SDK2: variants seen among roughly 807,000 people sequenced by gnomAD.
SDK2 encodes sidekick cell adhesion molecule 2, also known as protein sidekick-2.
Under a neutral mutation model 253.9 loss-of-function variants are expected in SDK2, and 105 were observed. The ratio of observed to expected loss-of-function variants is 0.41; its 90% CI spans 0.35 to 0.49. SDK2 has a LOEUF of 0.49. Ranked by LOEUF, SDK2 falls within the 20% of genes least tolerant of loss-of-function variation. The probability of loss-of-function intolerance (pLI) is 0.06; values close to 1 mark genes in which losing one functional copy is unlikely to be tolerated. For missense variants in SDK2, 2,608 were observed against 3,003.0 expected (o/e 0.87, Z 3.07); for synonymous variants, 1,249 against 1,234.9 (o/e 1.01, Z -0.24).
At chr17:73,358,819 T>C (rs1311030530) in intron 39 of SDK2, among the ~76,000 whole-genome samples, 2 of 152,068 alleles carry the variant, frequency 1.3e-5, no homozygotes, top group African/African-American at 4.8e-5. Flanking sequence ...CAGGAGGCCT[T>C]GGGGCCTGTG....
At chr17:73,485,813 G>T (rs146942051) in intron 2 of SDK2, among the ~76,000 whole-genome samples, 100 of 152,354 alleles carry the variant, frequency 6.6e-4, no homozygotes, top group African/African-American at 2.0e-3. Context: ...AGAGTTGAAG[G>T]TTGCCATAAA....
intron 1 of SDK2, among the ~76,000 whole-genome samples, chr17:73,548,936 G>A (rs1447398497): frequency 6.6e-6 from 1 of 152,172 alleles, no homozygotes; most frequent in Non-Finnish European, 1.5e-5. Context: ...CATGCCAGCC[G>A]CTGAAGCTGT....
At chr17:73,462,149 TTGTA>T (rs1161655289) in intron 3 of SDK2, among the ~76,000 whole-genome samples, 2 of 152,136 alleles carry the variant, frequency 1.3e-5, no homozygotes, top group African/African-American at 4.8e-5. Context: ...GGATGTATAG[TTGTA>T]TGTATGTTTA....
chr17:73,485,568 G>A (rs990208122), intron 2 of SDK2, among the ~76,000 whole-genome samples: 2 of 152,112 alleles, frequency 1.3e-5, no homozygotes, highest in African/African-American at 4.8e-5. Flanking sequence ...ATAAAACAGA[G>A]CTTAGCAAAC....
intron 42 of SDK2, 52 bp from the exon 43 acceptor site, chr17:73,350,427 C>T: frequency 1.1e-5 from 17 of 1,574,474 alleles, no homozygotes; most frequent in Non-Finnish European, 1.4e-5. Flanking sequence ...CTCCCCTCTC[C>T]CATACCACTC....
At chr17:73,417,623 A>G (rs2063193644) in intron 16 of SDK2, among the ~76,000 whole-genome samples, 1 of 152,078 alleles carries the variant, frequency 6.6e-6, no homozygotes, top group South Asian at 2.1e-4. Context: ...GTCCCAGGGC[A>G]GAACTTGCAG....
At chr17:73,381,019 C>A (rs2062826641) in intron 33 of SDK2, 69 bp from the exon 34 acceptor site, 1 of 928,178 alleles carries the variant, frequency 1.1e-6, no homozygotes, top group Non-Finnish European at 1.7e-6. Flanking sequence ...AGTGCTCACA[C>A]ATCCCCACCC....
At position 73,334,874 on chromosome 17, in the gene SDK2, A is replaced by G. The variant is rs1056618803; in HGVS notation, c.*3713T>C. The G allele has an allele frequency of 6.6e-6, 1 of 152,394 alleles. No homozygotes were observed. Among genetic ancestry groups the G allele is most frequent in the African/African-American group, 2.4e-5 (1 of 41,442 alleles). The allele number at this position is 152,394 out of a possible 1,614,324, so 9.4% of individuals were successfully genotyped here. A position where few individuals can be genotyped will look rare whatever the true frequency, so the allele number is the denominator to read the frequency against. ...TGCCCACCAGCCCCTCACCCAGGGTAGGCACCTTCAGATGTGCACTCTGGG... is the reference window on the plus strand; with the variant it reads ...TGCCCACCAGCCCCTCACCCAGGGTGGGCACCTTCAGATGTGCACTCTGGG... On this transcript the variant is annotated 3_prime_UTR_variant, in exon 45 of 45. Transcript: ENST00000392650.
At chr17:73,468,739 A>T (rs1288945345) in intron 3 of SDK2, among the ~76,000 whole-genome samples, 1 of 149,804 alleles carries the variant, frequency 6.7e-6, no homozygotes, top group Non-Finnish European at 1.5e-5. Flanking sequence ...GTTAGCCAGG[A>T]TGGTCTCAAT....
At chr17:73,631,261 G>A (rs919373876) in intron 1 of SDK2, among the ~76,000 whole-genome samples, 4 of 152,192 alleles carry the variant, frequency 2.6e-5, no homozygotes, top group Admixed American at 2.6e-4. Flanking sequence ...ACAACGGTCT[G>A]CCGGCCAACC....
At chr17:73,389,124 G>A (rs1011224789) in intron 29 of SDK2, among the ~76,000 whole-genome samples, 22 of 148,374 alleles carry the variant, frequency 1.5e-4, no homozygotes, top group African/African-American at 4.8e-4. Flanking sequence ...CTTCTACCTC[G>A]GCCTCTTGAA....
rs192959445 is a variant in SDK2, at chr17:73,588,880, G to A, written c.64+55145C>T. Among the ~76,000 whole-genome samples the A allele has an allele frequency of 6.6e-5, 10 of 152,348 alleles. No homozygotes were observed. The East Asian group carries it at 7.7e-4, about 12-fold the overall frequency. ...CCTCTACGTGGCGCAGGTGCCATACGCACTTCATTCCTGATGGCTCACTTT... is the reference window on the plus strand; with the variant it reads ...CCTCTACGTGGCGCAGGTGCCATACACACTTCATTCCTGATGGCTCACTTT... On this transcript the variant is annotated intron_variant, in intron 1 of 44. Transcript: ENST00000392650.
intron 1 of SDK2, among the ~76,000 whole-genome samples, chr17:73,571,946 C>A (rs951066142): frequency 6.6e-6 from 1 of 152,178 alleles, no homozygotes; most frequent in Non-Finnish European, 1.5e-5. Flanking sequence ...GAAGGAGGAG[C>A]GCCCGCGGGG....
intron 40 of SDK2, among the ~76,000 whole-genome samples, chr17:73,355,174 A>ATATATATATATATATATATATTTT: frequency 2.1e-5 from 1 of 47,240 alleles, no homozygotes; most frequent in African/African-American, 1.6e-4. Flanking sequence ...ATATATATAT[A>ATATATATATATATATATATATTTT]TTTTTTTTTT....
chr17:73,398,697 C>A (rs1037785152), intron 22 of SDK2, among the ~76,000 whole-genome samples: 1 of 152,212 alleles, frequency 6.6e-6, no homozygotes, highest in African/African-American at 2.4e-5. Flanking sequence ...AACTCCACTA[C>A]TTACAGAATC....
At position 73,481,617 on chromosome 17, in the gene SDK2, C is replaced by T. The variant is rs971859848; in HGVS notation, c.225-9399G>A. On this transcript the variant is annotated intron_variant, in intron 2 of 44. Transcript: ENST00000392650. This position sits in a 1 kb window ranked among gnomAD's most constrained non-coding sequence, Gnocchi z 4.5. ...CGCAGGACGTAGCCGGATCCCTCACCAACGCAGGACGGAACCATCCAATCC... is the reference window on the plus strand; with the variant it reads ...CGCAGGACGTAGCCGGATCCCTCACTAACGCAGGACGGAACCATCCAATCC... Among the ~76,000 whole-genome samples, 2 of 152,152 alleles carry T rather than the reference C, an allele frequency of 1.3e-5. No individual in the cohort carries two copies. Among genetic ancestry groups the T allele is most frequent in the African/African-American group, 4.8e-5 (2 of 41,416 alleles).
intron 3 of SDK2, among the ~76,000 whole-genome samples, chr17:73,457,627 A>G (rs1405725368): frequency 1.3e-5 from 2 of 151,964 alleles, no homozygotes; most frequent in African/African-American, 4.8e-5. Flanking sequence ...TTGGGATTAC[A>G]GGTCTGAGCC....
At chr17:73,531,646 T>C (rs1424204335) in intron 1 of SDK2, among the ~76,000 whole-genome samples, 1 of 152,200 alleles carries the variant, frequency 6.6e-6, no homozygotes, top group East Asian at 1.9e-4. Flanking sequence ...CCCAATCTAC[T>C]TAATTAAAGG....
chr17:73,398,963 A>AGT (rs745620522), intron 22 of SDK2, among the ~76,000 whole-genome samples: 2 of 152,086 alleles, frequency 1.3e-5, no homozygotes, highest in South Asian at 2.1e-4. Flanking sequence ...AGGGGACTGT[A>AGT]GTGTGTGTGT....
Sources: gnomAD v4.1 joint callset for allele counts (sites outside exome capture counted in the v4.1 genomes callset) on GRCh38, gnomAD v4.1.1 for gene constraint, Gnocchi (gnomAD v3.1) non-coding constraint, MANE v1.5 for transcripts, NCBI Gene and HGNC (gene_info 2026-07-23, HGNC 2026-07-21) for gene names.